GBP1: variants seen among roughly 807,000 people sequenced by gnomAD.
GBP1 encodes guanylate-binding protein 1.
Under a neutral mutation model 69.5 loss-of-function variants are expected in GBP1, and 64 were observed. That is an observed-to-expected ratio of 0.92 (90% CI 0.75 to 1.13). The LOEUF is 1.13. GBP1 is among the 50% of genes most tolerant of loss of function. The pLI is 0.00. For synonymous variants in GBP1, 250 were observed against 261.2 expected, an observed-to-expected ratio of 0.96 and a Z score of 0.41; for missense variants, 630 against 704.1, an observed-to-expected ratio of 0.89 and a Z score of 1.19.
intron 10 of GBP1, among the ~76,000 whole-genome samples, chr1:89,054,407 A>C (rs531123298): frequency 6.6e-6 from 1 of 152,374 alleles, no homozygotes; most frequent in African/African-American, 2.4e-5. Flanking sequence ...ACCGAGATAC[A>C]GATATTTTAA....
At position 89,054,860 on chromosome 1, in the gene GBP1, G is replaced by C; in HGVS notation, c.1487C>G (p.Ala496Gly). ...TTTTGCTGAAGCCTGTGCAGACTCA[G>C]CTTTCACACGTTCCACTGAGGAGGA... is the stretch of plus-strand genomic sequence containing the variant. ...EKEIEVERVK[A>G]ESAQASAKML... Residue 496 changes from alanine to glycine, a missense_variant, in exon 10 of 11, where the codon GCT (alanine) becomes GGT (glycine). Physicochemically the swap from Ala to Gly is moderately conservative, Grantham distance 60. Coordinates refer to ENST00000370473, the MANE Select transcript of GBP1 (RefSeq NM_002053.3). 1 of 1,613,464 alleles carries C rather than the reference G, an allele frequency of 6.2e-7. No homozygotes were observed. Among genetic ancestry groups the C allele is most frequent in the Non-Finnish European group, 8.5e-7 (1 of 1,179,802 alleles).
chr1:89,054,671 C>T lies in GBP1; in HGVS notation c.1665+11G>A. ...GAAAAACAGAAACCTCAAGGTGATG[C>T]AATTAGATACCTGAAGTTTAAGAGC... On this transcript the variant is annotated intron_variant, in intron 10 of 10. Transcript: ENST00000370473. 1 of 1,608,994 alleles carries T rather than the reference C, an allele frequency of 6.2e-7. No individual in the cohort carries two copies. Among genetic ancestry groups the T allele is most frequent in the African/African-American group, 1.3e-5 (1 of 74,864 alleles).
intron 1 of GBP1, among the ~76,000 whole-genome samples, chr1:89,064,143 A>C (rs1680270250): frequency 6.6e-6 from 1 of 151,620 alleles, no homozygotes; most frequent in South Asian, 2.1e-4. Context: ...GGTAGGAGAA[A>C]GAGAAATAGA....
In GBP1 at chr1:89,058,228, C is replaced by T. The variant is rs75161612; in HGVS notation, c.638G>A (p.Ser213Asn). 0.023 allele frequency: 37,034 copies of T among 1,582,916 alleles called. 537 individuals carry two copies. The highest frequency in any genetic ancestry group is 0.065 in the Middle Eastern group (384 of 5,870). ...TYSLKLKKGT[S>N]QKDETFNLPR... ...CAGGTTAAAAGTTTCATCTTTTTGA[C>T]TGGTACCTAGAAAAACATTTAAAAA... is the stretch of plus-strand genomic sequence containing the variant. The change falls in exon 6 of 11, where the codon AGT becomes AAT. Residue 213 changes from serine to asparagine, a missense_variant. This residue lies in a region of GBP1 where 367 missense variants were observed against 369.5 expected (regional missense o/e 0.99). Coordinates refer to ENST00000370473, the MANE Select transcript of GBP1 (RefSeq NM_002053.3).
intron 9 of GBP1, 95 bp from the exon 10 acceptor site, chr1:89,054,970 A>G (rs1455129112): frequency 9.5e-6 from 14 of 1,469,438 alleles, no homozygotes; most frequent in African/African-American, 1.4e-5. Context: ...CTGACTGCAT[A>G]TGCCCTACTC....
intron 10 of GBP1, 111 bp downstream of exon 10, chr1:89,054,571 G>T: frequency 1.0e-6 from 1 of 953,228 alleles, no homozygotes; most frequent in Non-Finnish European, 1.6e-6. Context: ...AAGTAAGCAA[G>T]CAGGGTCCTT....
chr1:89,057,368 T>C (rs952923526), intron 6 of GBP1, among the ~76,000 whole-genome samples: 1 of 152,254 alleles, frequency 6.6e-6, no homozygotes, highest in African/African-American at 2.4e-5. Context: ...TTGAGAGTTC[T>C]TGTACTAGAT....
chr1:89,057,485 T>C (rs369358323), intron 6 of GBP1, among the ~76,000 whole-genome samples: 141 of 152,366 alleles, frequency 9.3e-4, no homozygotes, highest in African/African-American at 3.3e-3. Context: ...AGTCTATTCA[T>C]AGTAAGCATT....
At chr1:89,061,215 C>T (rs1218787538) in intron 2 of GBP1, among the ~76,000 whole-genome samples, 2 of 151,938 alleles carry the variant, frequency 1.3e-5, no homozygotes, top group African/African-American at 4.8e-5. Flanking sequence ...TCCAGAGATC[C>T]CCTAATTATA....
intron 8 of GBP1, 169 bp downstream of exon 8, chr1:89,055,847 C>T: frequency 3.9e-6 from 3 of 771,774 alleles, no homozygotes; most frequent in Non-Finnish European, 6.5e-6. Flanking sequence ...CTTTGATGAG[C>T]ACCTAGGACA....
chr1:89,054,177 G>GC (rs1298552980), intron 10 of GBP1, among the ~76,000 whole-genome samples: 3 of 151,852 alleles, frequency 2.0e-5, no homozygotes, highest in African/African-American at 7.3e-5. Flanking sequence ...TCAGCTCACT[G>GC]CAAGCTCTGC....
intron 2 of GBP1, 26 bp downstream of exon 2, chr1:89,063,019 G>C: frequency 6.2e-7 from 1 of 1,612,426 alleles, no homozygotes; most frequent in Admixed American, 1.7e-5. Context: ...GAAGGGACTT[G>C]GCAGAGCTTT....
rs142189509 is a variant in GBP1 at position 89,056,064 on chromosome 1, T to G, written c.1320A>C (p.Leu440=). 7.5e-4 allele frequency: 1,212 copies of G among 1,613,992 alleles called. 5 individuals are homozygous for G. Among genetic ancestry groups the G allele is most frequent in the South Asian group, 2.4e-3 (216 of 91,080 alleles). ...PGGYRLFVQK[L]QDLKKKYYEE... ...CATAGTACTTTTTCTTCAGGTCTTGTAGCTTCTGAACAAAGAGACGATAGC... is the reference window on the plus strand; with the variant it reads ...CATAGTACTTTTTCTTCAGGTCTTGGAGCTTCTGAACAAAGAGACGATAGC... The change falls in exon 8 of 11, where the codon CTA becomes CTC. Residue 440 remains leucine, a synonymous_variant. Coordinates refer to ENST00000370473, the MANE Select transcript of GBP1 (RefSeq NM_002053.3).
chr1:89,054,743 A>G lies in GBP1; in HGVS notation c.1604T>C (p.Met535Thr). 1.2e-6 allele frequency: 2 copies of G among 1,614,202 alleles called. No individual in the cohort carries two copies. Among genetic ancestry groups the G allele is most frequent in the Non-Finnish European group, 1.7e-6 (2 of 1,180,010 alleles). Residue 535 changes from methionine to threonine, a missense_variant, in exon 10 of 11, where the codon ATG becomes ACG. Physicochemically the swap from Met to Thr is moderately conservative, Grantham distance 81. Around this residue, in one of 5 missense-constraint regions of GBP1, gnomAD observed 71 missense variants for 72.7 expected, o/e 0.98. Coordinates refer to ENST00000370473, the MANE Select transcript of GBP1 (RefSeq NM_002053.3). The part of the protein sequence containing the change: ...QEHLKQLTEK[M>T]ENDRVQLLKE... ...CAGCAACTGGACCCTGTCGTTCTCC[A>G]TCTTCTCAGTCAGTTGTTTCAAGTG...
chr1:89,053,574 C>T, intron 10 of GBP1, 106 bp from the exon 11 acceptor site: 2 of 1,486,818 alleles, frequency 1.3e-6, no homozygotes, highest in Non-Finnish European at 1.8e-6. Context: ...TTCTCTGAGT[C>T]ACGCAAGACG....
At chr1:89,057,573 G>T (rs1338215843) in intron 6 of GBP1, among the ~76,000 whole-genome samples, 2 of 152,172 alleles carry the variant, frequency 1.3e-5, no homozygotes, top group Admixed American at 6.5e-5. Flanking sequence ...TTGCAGTATT[G>T]TTCAAAAGCG....
At chr1:89,060,907 T>C (rs955762100) in intron 2 of GBP1, among the ~76,000 whole-genome samples, 4 of 152,096 alleles carry the variant, frequency 2.6e-5, no homozygotes, top group African/African-American at 9.7e-5. Flanking sequence ...GTGTAAAAAA[T>C]AGAAAAGGAA....
Position 89,060,391 on chromosome 1 carries a change from AAGT to A in GBP1, c.191-70_191-68del, listed in dbSNP as rs552320747. On this transcript the variant is annotated intron_variant, in intron 2 of 10. Coordinates refer to ENST00000370473, the MANE Select transcript of GBP1 (RefSeq NM_002053.3). ...AGGCAGTTCTGGCAATTGAAGGAAA[AAGT>A]AGTATATTTAAGGTTAAGAGAGAGA... is the stretch of plus-strand genomic sequence containing the variant. 1.1e-4 allele frequency: 156 copies of A among 1,396,066 alleles called. No individual in the cohort carries two copies. In the South Asian group the frequency reaches 2.1e-3, roughly 18 times the overall value. The allele number at this position is 1,396,066 out of a possible 1,614,324, so 86.5% of individuals were successfully genotyped here. A position where few individuals can be genotyped will look rare whatever the true frequency, so the allele number is the denominator to read the frequency against.
At position 89,059,016 on chromosome 1, in the gene GBP1, G is replaced by T. The variant is rs1680115088; in HGVS notation, c.456C>A (p.Ile152=). ...TCTCATCAGGTGAGGATTTTGATCG[G>T]ATTCTATGTGTCAGCTCTGTCACAT... ...LYYVTELTHR[I]RSKSSPDENE... is the part of the protein sequence containing the mutation. Residue 152 remains isoleucine, a synonymous_variant, in exon 5 of 11, where the codon ATC becomes ATA. Transcript: ENST00000370473. 1.2e-6 allele frequency: 2 copies of T among 1,613,978 alleles called. No homozygotes were observed. Among genetic ancestry groups the T allele is most frequent in the African/African-American group, 1.3e-5 (1 of 74,888 alleles).
Sources: allele counts gnomAD v4.1 joint callset (sites outside exome capture counted in the v4.1 genomes callset), GRCh38; gene constraint gnomAD v4.1.1; regional missense constraint gnomAD v4.1.1; transcripts MANE v1.5; gene names NCBI Gene and HGNC (gene_info 2026-07-23, HGNC 2026-07-21).